SLMAP: variants seen among roughly 807,000 people sequenced by gnomAD.
SLMAP encodes the protein sarcolemmal membrane-associated protein.
A neutral mutation model predicts 128.8 loss-of-function variants in SLMAP; 44 were observed. The ratio of observed to expected loss-of-function variants is 0.34; its 90% CI spans 0.27 to 0.44. The LOEUF (loss-of-function observed/expected upper bound fraction) is 0.44. Among genes scored for constraint, SLMAP ranks in the 20% least tolerant of loss-of-function variants. SLMAP has a pLI of 1.00. For missense variants in SLMAP, 787 were observed against 985.3 expected, an observed-to-expected ratio of 0.80 and a Z score of 2.69; for synonymous variants, 327 against 348.8, an observed-to-expected ratio of 0.94 and a Z score of 0.70.
intron 17 of SLMAP, among the ~76,000 whole-genome samples, chr3:57,906,677 AT>A (rs59094368): frequency 0.025 from 2,024 of 80,838 alleles, 21 homozygotes; most frequent in South Asian, 0.092. Flanking sequence ...AAAAAAAAAT[AT>A]ATATATATAT....
intron 19 of SLMAP, among the ~76,000 whole-genome samples, chr3:57,910,917 G>A (rs948377930): frequency 6.6e-6 from 1 of 152,050 alleles, no homozygotes; most frequent in African/African-American, 2.4e-5. Context: ...TAGTCTTTGG[G>A]GTCCTATTTT....
intron 15 of SLMAP, chr3:57,896,106 C>T (rs1291390580): frequency 6.6e-6 from 2 of 302,622 alleles, no homozygotes; most frequent in Non-Finnish European, 9.7e-6. Flanking sequence ...ACTAAAGCAG[C>T]CTTCTTACTA....
Position 57,857,774 on chromosome 3 carries a change from C to G in SLMAP, c.561C>G (p.Ala187=), listed in dbSNP as rs762494292. 3.3e-5 allele frequency: 53 copies of G among 1,613,732 alleles called. No individual in the cohort carries two copies. In the South Asian group the frequency reaches 5.8e-4, roughly 18 times the overall value. ...AACAAATGTTGGAACAGAAGTTAGC[C>G]ACGCTTCAGCGGCTACTAGCCATCA... ...HREQMLEQKL[A]TLQRLLAITQ... Residue 187 remains alanine, a synonymous_variant, in exon 7 of 25, where the codon GCC becomes GCG. Coordinates refer to ENST00000671191, the MANE Select transcript of SLMAP (RefSeq NM_001377540.1).
intron 3 of SLMAP, among the ~76,000 whole-genome samples, chr3:57,831,789 A>G (rs1481038363): frequency 1.3e-5 from 2 of 152,162 alleles, no homozygotes; most frequent in African/African-American, 2.4e-5. Flanking sequence ...CCCCACCAAG[A>G]CAAGCTTAAA....
At chr3:57,858,668 C>T (rs1242261576) in intron 8 of SLMAP, among the ~76,000 whole-genome samples, 8 of 152,138 alleles carry the variant, frequency 5.3e-5, no homozygotes, top group South Asian at 4.1e-4. Context: ...TAAGGCTGGG[C>T]GCAGTGGCTC....
rs189434481 is a variant in SLMAP, at chr3:57,893,129, G to T, written c.1360+3029G>T. Among the ~76,000 whole-genome samples the T allele has an allele frequency of 4.6e-5, 7 of 151,990 alleles. No individual in the cohort carries two copies. The East Asian group carries it at 1.2e-3, about 25-fold the overall frequency. Reference sequence around the variant, plus strand: ...ATTACCAAAGTTGCTTTCTTATTCAGAGTAGATATATGCTTTCAATCATCC... The same window carrying T: ...ATTACCAAAGTTGCTTTCTTATTCATAGTAGATATATGCTTTCAATCATCC... On this transcript the variant is annotated intron_variant, in intron 15 of 24. Coordinates refer to ENST00000671191, the MANE Select transcript of SLMAP (RefSeq NM_001377540.1).
intron 5 of SLMAP, among the ~76,000 whole-genome samples, chr3:57,849,369 A>G (rs1037836291): frequency 2.0e-5 from 3 of 152,218 alleles, no homozygotes; most frequent in African/African-American, 4.8e-5. Flanking sequence ...ATGGATTTCA[A>G]GAAACATTGC....
intron 17 of SLMAP, among the ~76,000 whole-genome samples, chr3:57,906,310 C>CTTTTCTTTTTTTTTTTT (rs2096548548): frequency 2.1e-5 from 1 of 47,048 alleles, no homozygotes; most frequent in African/African-American, 7.1e-5. Flanking sequence ...CTTTTTTTTT[C>CTTTTCTTTTTTTTTTTT]TTTTTTTTTT....
intron 2 of SLMAP, among the ~76,000 whole-genome samples, chr3:57,796,601 G>A (rs2086791940): frequency 6.6e-6 from 1 of 152,162 alleles, no homozygotes; most frequent in Non-Finnish European, 1.5e-5. Flanking sequence ...ATAAGTATTA[G>A]CTATTATTAT....
At chr3:57,918,485 T>G (rs868478291) in intron 22 of SLMAP, 20 of 152,244 alleles carry the variant, frequency 1.3e-4, no homozygotes, top group African/African-American at 4.6e-4. Flanking sequence ...TAAAAATATG[T>G]CTGATCTTGT....
intron 6 of SLMAP, among the ~76,000 whole-genome samples, chr3:57,853,890 G>A (rs1269493697): frequency 3.4e-4 from 47 of 138,104 alleles, no homozygotes; most frequent in African/African-American, 1.1e-3. Context: ...GCGGTGAGCC[G>A]AGATCATGCC....
intron 2 of SLMAP, among the ~76,000 whole-genome samples, chr3:57,810,122 T>C (rs1409233024): frequency 6.6e-6 from 1 of 152,090 alleles, no homozygotes; most frequent in East Asian, 1.9e-4. Context: ...TGCCACCATG[T>C]TCCCTGGTGG....
intron 24 of SLMAP, among the ~76,000 whole-genome samples, chr3:57,926,551 G>A (rs1169240978): frequency 6.6e-6 from 1 of 152,126 alleles, no homozygotes; most frequent in East Asian, 1.9e-4. Context: ...TTAAAAACCA[G>A]TTTTTCTCAA....
chr3:57,857,617 A>G lies in SLMAP; in HGVS notation c.520-116A>G, dbSNP rs2094857715. ...AGTACTATCAAGTTTCACTACTTTA[A>G]AATACATCAAGTGGGATGTAATATG... On this transcript the variant is annotated intron_variant, in intron 6 of 24. Coordinates refer to ENST00000671191, the MANE Select transcript of SLMAP (RefSeq NM_001377540.1). 1.1e-5 allele frequency: 8 copies of G among 704,886 alleles called. No homozygotes were observed. The South Asian group carries it at 1.5e-4, about 13-fold the overall frequency. 43.7% of individuals were successfully genotyped at this position (704,886 alleles called of 1,614,324 possible).
rs199899255 is a variant in SLMAP at position 57,860,797 on chromosome 3, T to C, written c.786T>C (p.Leu262=). The change falls in exon 9 of 25, where the codon CTT becomes CTC. Residue 262 remains leucine (L), a synonymous_variant. Transcript: ENST00000671191. Reference sequence around the variant, plus strand: ...CCAAAGAGTCCCTGAGGCGGGTTCTTCAGGAGAAAATTGAAGTGGTTAGAA... The same window carrying C: ...CCAAAGAGTCCCTGAGGCGGGTTCTCCAGGAGAAAATTGAAGTGGTTAGAA... ...TTAKESLRRV[L]QEKIEVVRKL... is the part of the protein sequence containing the mutation. 3.8e-5 allele frequency: 60 copies of C among 1,596,262 alleles called. No individual in the cohort carries two copies. The East Asian group carries it at 6.1e-4, about 16-fold the overall frequency.
chr3:57,884,356 G>T (rs893137839), intron 14 of SLMAP, among the ~76,000 whole-genome samples: 1 of 152,162 alleles, frequency 6.6e-6, no homozygotes, highest in South Asian at 2.1e-4. Flanking sequence ...TATGTCTGAG[G>T]GGGTAGGTAT....
At chr3:57,871,522 T>C (rs886964516) in intron 13 of SLMAP, 114 bp from the exon 14 acceptor site, 16 of 719,646 alleles carry the variant, frequency 2.2e-5, no homozygotes, top group Non-Finnish European at 3.7e-5. Flanking sequence ...ATATTAAGCC[T>C]TTATTAGTCT....
chr3:57,795,055 G>T (rs1443380745), intron 2 of SLMAP, among the ~76,000 whole-genome samples: 1 of 152,134 alleles, frequency 6.6e-6, no homozygotes, highest in Non-Finnish European at 1.5e-5. Flanking sequence ...CCACTTCCTG[G>T]TCAATACTTC....
At chr3:57,849,015 C>G (rs1200799803) in intron 5 of SLMAP, among the ~76,000 whole-genome samples, 3 of 146,290 alleles carry the variant, frequency 2.1e-5, no homozygotes, top group Non-Finnish European at 4.5e-5. Flanking sequence ...GGCCCTTCTT[C>G]TTTTTTTTTT....
Sources: allele counts gnomAD v4.1 joint callset (sites outside exome capture counted in the v4.1 genomes callset), GRCh38; gene constraint gnomAD v4.1.1; transcripts MANE v1.5; gene names NCBI Gene and HGNC (gene_info 2026-07-23, HGNC 2026-07-21).